HDAC9: variants seen among roughly 807,000 people sequenced by gnomAD.
HDAC9 encodes MEF-2 interacting transcription repressor (MITR) protein.
In HDAC9, 41 loss-of-function variants were observed where a neutral mutation model predicts 139.4. That is an observed-to-expected ratio of 0.29 (90% CI 0.23 to 0.38). The LOEUF (loss-of-function observed/expected upper bound fraction) is 0.38. Ranked by LOEUF, HDAC9 falls within the 10% of genes least tolerant of loss-of-function variation. The pLI is 1.00. For missense variants in HDAC9, 1,147 were observed against 1,297.0 expected, an observed-to-expected ratio of 0.88 and a Z score of 1.78; for synonymous variants, 517 against 476.2, an observed-to-expected ratio of 1.09 and a Z score of -1.12.
chr7:18,475,806 G>C (rs948936684), intron 1 of HDAC9, among the ~76,000 whole-genome samples: 50 of 152,196 alleles, frequency 3.3e-4, no homozygotes, highest in Admixed American at 1.2e-3. Flanking sequence ...GTCATAAACA[G>C]CAAAATATCA....
Position 18,961,722 on chromosome 7 carries a change from TGTAAA to T in HDAC9, c.3022+7496_3022+7500del, listed in dbSNP as rs990703876. Among the ~76,000 whole-genome samples the T allele has an allele frequency of 4.9e-4, 74 of 152,330 alleles. 1 individual carries two copies. Among genetic ancestry groups the T allele is most frequent in the South Asian group, 2.1e-4 (1 of 4,830 alleles). ...TTAATTTGTTTAATCTTCTCTACCC[TGTAAA>T]GTAGTTACTATTTTCATTCCCATTT... On this transcript the variant is annotated intron_variant, in intron 24 of 25. Coordinates refer to ENST00000686413, the MANE Select transcript of HDAC9 (RefSeq NM_178425.4).
At chr7:18,451,643 T>C (rs1792878388) in intron 1 of HDAC9, among the ~76,000 whole-genome samples, 1 of 152,024 alleles carries the variant, frequency 6.6e-6, no homozygotes, top group South Asian at 2.1e-4. Flanking sequence ...AGGTATCCAC[T>C]GATTTATGTG....
chr7:18,166,665 A>G (rs1478020511), intron 2 of HDAC9, among the ~76,000 whole-genome samples: 1 of 152,232 alleles, frequency 6.6e-6, no homozygotes, highest in Non-Finnish European at 1.5e-5. Flanking sequence ...CAATTAATAC[A>G]GCACAACATC....
intron 2 of HDAC9, among the ~76,000 whole-genome samples, chr7:18,208,038 A>C (rs1269036976): frequency 6.6e-6 from 1 of 152,086 alleles, no homozygotes; most frequent in African/African-American, 2.4e-5. Context: ...TTAAAAAGCA[A>C]ATTGCTTTCA....
chr7:18,176,209 G>A (rs531220088), intron 2 of HDAC9, among the ~76,000 whole-genome samples: 6 of 152,084 alleles, frequency 3.9e-5, no homozygotes, highest in African/African-American at 7.2e-5. Flanking sequence ...ACAGTTTTTC[G>A]GTCTGCTGTT....
chr7:18,458,761 T>A lies in HDAC9; in HGVS notation c.-41-37501T>A, dbSNP rs1793574572. 1.3e-5 allele frequency: 11 copies of A among 827,132 alleles called. No homozygotes were observed. In the South Asian group the frequency reaches 1.5e-4, roughly 11 times the overall value. 51.2% of individuals were successfully genotyped at this position (827,132 alleles called of 1,614,324 possible). A position where few individuals can be genotyped will look rare whatever the true frequency, so the allele number is the denominator to read the frequency against. Reference sequence around the variant, plus strand: ...CTCAGAGTAGTAACAAAGAGAGAGCTGGAGGTGGTGGCTCTTGCTTGTCAC... The same window carrying A: ...CTCAGAGTAGTAACAAAGAGAGAGCAGGAGGTGGTGGCTCTTGCTTGTCAC... On this transcript the variant is annotated intron_variant, in intron 1 of 3. Coordinates refer to the HDAC9 transcript ENST00000413509.
intron 2 of HDAC9, among the ~76,000 whole-genome samples, chr7:18,258,382 C>T (rs193249209): frequency 2.4e-4 from 37 of 152,116 alleles, no homozygotes; most frequent in Middle Eastern, 3.4e-3. Context: ...TTTGGTTAAA[C>T]GAATACTGTT....
At chr7:18,192,293 T>A (rs2128151442) in intron 2 of HDAC9, among the ~76,000 whole-genome samples, 2 of 152,342 alleles carry the variant, frequency 1.3e-5, no homozygotes, top group South Asian at 4.1e-4. Context: ...TTAAGATTGA[T>A]GTGGCTTGCT....
chr7:18,575,584 C>G, intron 2 of HDAC9, among the ~76,000 whole-genome samples: 1 of 152,146 alleles, frequency 6.6e-6, no homozygotes, highest in Admixed American at 6.5e-5. Flanking sequence ...ACAGTGGAGT[C>G]TAGGAAATGC....
At chr7:18,725,649 G>T (rs186969529) in intron 12 of HDAC9, among the ~76,000 whole-genome samples, 1 of 152,122 alleles carries the variant, frequency 6.6e-6, no homozygotes, top group East Asian at 1.9e-4. Context: ...GGAGGAGATG[G>T]ATATTACAAA....
intron 2 of HDAC9, among the ~76,000 whole-genome samples, chr7:18,521,739 A>G (rs1266219664): frequency 6.6e-6 from 1 of 152,218 alleles, no homozygotes; most frequent in East Asian, 1.9e-4. Context: ...TAGAAAAACG[A>G]TAATAAATTT....
intron 1 of HDAC9, among the ~76,000 whole-genome samples, chr7:18,316,336 C>T (rs1011540697): frequency 5.9e-5 from 9 of 152,094 alleles, no homozygotes; most frequent in African/African-American, 2.2e-4. Context: ...TAACTTTGCA[C>T]TCAGTTTGGG....
intron 1 of HDAC9, among the ~76,000 whole-genome samples, chr7:18,484,717 A>G (rs1795839530): frequency 6.6e-6 from 1 of 152,164 alleles, no homozygotes; most frequent in Non-Finnish European, 1.5e-5. Context: ...TTAACCAGGC[A>G]TGGTGATGCA....
chr7:18,245,440 C>G (rs1172421051), intron 2 of HDAC9, among the ~76,000 whole-genome samples: 1 of 152,136 alleles, frequency 6.6e-6, no homozygotes, highest in African/African-American at 2.4e-5. Context: ...CAAACAAAAA[C>G]TCTAGCTCAG....
chr7:18,289,159 A>G (rs1178441092), upstream of HDAC9, among the ~76,000 whole-genome samples: 1 of 152,202 alleles, frequency 6.6e-6, no homozygotes, highest in Non-Finnish European at 1.5e-5. Context: ...ATATAAAAAT[A>G]TGACCTTGGG....
intron 16 of HDAC9, among the ~76,000 whole-genome samples, chr7:18,790,843 C>A (rs1792237768): frequency 2.0e-5 from 3 of 152,152 alleles, no homozygotes; most frequent in Non-Finnish European, 2.9e-5. Flanking sequence ...AAATATCAGT[C>A]ATCCACTGGA....
At chr7:18,984,622 A>G (rs1480394629) in intron 25 of HDAC9, among the ~76,000 whole-genome samples, 4 of 151,416 alleles carry the variant, frequency 2.6e-5, no homozygotes, top group Admixed American at 1.3e-4. Flanking sequence ...TAGTGTAGAT[A>G]AATTGTTGAG....
In HDAC9 at chr7:18,329,902, G is replaced by A. The variant is rs557326938; in HGVS notation, c.-42+39387G>A. 5.3e-5 allele frequency among the ~76,000 whole-genome samples: 8 copies of A among 151,610 alleles called. No homozygotes were observed. The South Asian group carries it at 1.7e-3, about 31-fold the overall frequency. ...TTAGCTAGCCACAACATTCTTACTA[G>A]TTTTGCTTTGGGAATAGTGTATATT... On this transcript the variant is annotated intron_variant, in intron 1 of 3. Transcript: ENST00000413509.
At chr7:18,362,098 G>A (rs562625344) in intron 1 of HDAC9, among the ~76,000 whole-genome samples, 149 of 152,186 alleles carry the variant, frequency 9.8e-4, no homozygotes, top group Non-Finnish European at 1.5e-3. Context: ...CCTAGGTGTC[G>A]TAGCTCTCCT....
Sources: gnomAD v4.1 joint callset for allele counts (sites outside exome capture counted in the v4.1 genomes callset) on GRCh38, gnomAD v4.1.1 for gene constraint, MANE v1.5 for transcripts, NCBI Gene and HGNC (gene_info 2026-07-23, HGNC 2026-07-21) for gene names.